Variants in NT5M observed in about 807,000 individuals in gnomAD.
NT5M encodes the protein 5',3'-nucleotidase, mitochondrial, also known as 5'(3')-deoxyribonucleotidase, mitochondrial.
NT5M carries 22 observed loss-of-function variants against 22.2 expected under a neutral mutation model. That is an observed-to-expected ratio of 0.99 (90% CI 0.71 to 1.41). The LOEUF (loss-of-function observed/expected upper bound fraction) is 1.41. Ranked by LOEUF, NT5M falls within the 40% of genes most tolerant of loss-of-function variation. The pLI is 0.00. For synonymous variants in NT5M, 167 were observed against 133.0 expected (o/e 1.26, Z -1.76); for missense variants, 322 against 314.8 (o/e 1.02, Z -0.17).
rs529109745 is a variant in NT5M, at chr17:17,314,961, T to C, written c.369-8224T>C. On this transcript the variant is annotated intron_variant, in intron 2 of 4. Transcript: ENST00000389022. ...GTGTGTACTCTAAGCTGAAATTGCA[T>C]GTCTGTGTCTGTCCCTTCCTCTTTT... Among the ~76,000 whole-genome samples the C allele has an allele frequency of 3.9e-5, 6 of 152,274 alleles. No individual in the cohort carries two copies. In the South Asian group the frequency reaches 1.0e-3, roughly 26 times the overall value.
At chr17:17,343,485 G>A (rs977705072) in intron 3 of NT5M, among the ~76,000 whole-genome samples, 3 of 152,232 alleles carry the variant, frequency 2.0e-5, no homozygotes, top group South Asian at 2.1e-4. Context: ...TGTGCTGGCC[G>A]GTTGCAGAGG....
intron 3 of NT5M, among the ~76,000 whole-genome samples, chr17:17,329,778 C>A (rs2049337899): frequency 6.6e-6 from 1 of 151,126 alleles, no homozygotes; most frequent in Non-Finnish European, 1.5e-5. Context: ...GAGTTTGAGA[C>A]CTGCCTGGGC....
chr17:17,347,135 C>T lies in NT5M; in HGVS notation c.*188C>T, dbSNP rs1201924283. 5.3e-6 allele frequency: 4 copies of T among 752,132 alleles called. No homozygotes were observed. In the South Asian group the frequency reaches 5.7e-5, roughly 11 times the overall value. 46.6% of individuals were successfully genotyped at this position (752,132 alleles called of 1,614,324 possible). Reference sequence around the variant, plus strand: ...CCTGATCACGGGGCAGGGCTGGGCCCTCTGGGCGCTTGGACATAGACACGT... The same window carrying T: ...CCTGATCACGGGGCAGGGCTGGGCCTTCTGGGCGCTTGGACATAGACACGT... On this transcript the variant is annotated 3_prime_UTR_variant, in exon 5 of 5. Coordinates refer to ENST00000389022, the MANE Select transcript of NT5M (RefSeq NM_020201.4).
chr17:17,338,632 C>G (rs2049567955), intron 3 of NT5M, among the ~76,000 whole-genome samples: 1 of 140,788 alleles, frequency 7.1e-6, no homozygotes, highest in South Asian at 2.2e-4. Flanking sequence ...CTTAGGATAG[C>G]TCTGGCTATT....
intron 3 of NT5M, among the ~76,000 whole-genome samples, chr17:17,333,941 C>G (rs953196142): frequency 6.0e-5 from 9 of 151,218 alleles, no homozygotes; most frequent in African/African-American, 2.2e-4. Flanking sequence ...TCATGCCATT[C>G]TCCTGCCTCA....
At chr17:17,344,118 C>A (rs1047390756) in intron 3 of NT5M, among the ~76,000 whole-genome samples, 1 of 152,082 alleles carries the variant, frequency 6.6e-6, no homozygotes, top group Admixed American at 6.5e-5. Context: ...CCCTGCCCCC[C>A]GGGGAGCACC....
rs765714007 is a variant in NT5M at position 17,303,783 on chromosome 17, C to T, written c.233C>T (p.Ser78Leu). 4 of 1,568,014 alleles carry T rather than the reference C, an allele frequency of 2.6e-6. No individual in the cohort carries two copies. Among genetic ancestry groups the T allele is most frequent in the South Asian group, 1.2e-5 (1 of 86,270 alleles). Reference protein sequence around the residue: ...ALEDRRGFWVSEQYGRLRPGL... With the variant: ...ALEDRRGFWVLEQYGRLRPGL... ...GAGGACCGGCGCGGCTTCTGGGTGT[C>T]GGAGCAGTACGGCCGCCTGCGGCCA... is the stretch of plus-strand genomic sequence containing the variant. Residue 78 changes from serine to leucine, a missense_variant, in exon 1 of 5, where the codon TCG becomes TTG. By Grantham distance (145) the Ser-to-Leu change is moderately radical. Coordinates refer to ENST00000389022, the MANE Select transcript of NT5M (RefSeq NM_020201.4).
chr17:17,313,325 T>C (rs2048958835), intron 2 of NT5M, among the ~76,000 whole-genome samples: 1 of 152,176 alleles, frequency 6.6e-6, no homozygotes, highest in Non-Finnish European at 1.5e-5. Context: ...CCTGGAACAT[T>C]TTTTCATAGC....
At chr17:17,328,908 C>T (rs572427964) in intron 3 of NT5M, among the ~76,000 whole-genome samples, 54 of 152,308 alleles carry the variant, frequency 3.5e-4, no homozygotes, top group Admixed American at 9.1e-4. Context: ...TGGTAGTATA[C>T]GTCTCCAAGG....
In NT5M at chr17:17,303,441, G is replaced by A. The variant is rs1263255864; in HGVS notation, c.-110G>A. On this transcript the variant is annotated 5_prime_UTR_variant, in exon 1 of 5. Coordinates refer to ENST00000389022, the MANE Select transcript of NT5M (RefSeq NM_020201.4). ...CCCCGCTCCCCGTCCCGCGCTCCAC[G>A]CGCGCCCCAGCGTTGGGGGCTTCTC... 1 of 995,262 alleles carries A rather than the reference G, an allele frequency of 1.0e-6. No individual in the cohort carries two copies. Among genetic ancestry groups the A allele is most frequent in the Non-Finnish European group, 1.2e-6 (1 of 836,808 alleles). The allele number at this position is 995,262 out of a possible 1,614,324, so 61.7% of individuals were successfully genotyped here.
intron 3 of NT5M, among the ~76,000 whole-genome samples, chr17:17,332,234 C>T (rs778151324): frequency 6.6e-6 from 1 of 152,134 alleles, no homozygotes; most frequent in Non-Finnish European, 1.5e-5. Context: ...GTGTCTAGCT[C>T]ATAGATCTCT....
intron 2 of NT5M, among the ~76,000 whole-genome samples, chr17:17,322,368 C>T (rs2049168767): frequency 6.6e-6 from 1 of 151,894 alleles, no homozygotes; most frequent in Non-Finnish European, 1.5e-5. Context: ...GTGCTCCCTT[C>T]GTGTGAGGCC....
At chr17:17,343,824 T>C (rs2049699312) in intron 3 of NT5M, among the ~76,000 whole-genome samples, 1 of 152,190 alleles carries the variant, frequency 6.6e-6, no homozygotes, top group African/African-American at 2.4e-5. Context: ...TAAGGGTTGG[T>C]TGCCAGTGTC....
At chr17:17,323,333 G>C in intron 3 of NT5M, 88 bp downstream of exon 3, 3 of 1,096,842 alleles carry the variant, frequency 2.7e-6, no homozygotes, top group Non-Finnish European at 4.2e-6. Flanking sequence ...GAAAGGGGAT[G>C]GACCCTCACA....
At chr17:17,330,750 T>TC (rs2049364516) in intron 3 of NT5M, among the ~76,000 whole-genome samples, 1 of 148,754 alleles carries the variant, frequency 6.7e-6, no homozygotes. Flanking sequence ...TTCTTTTTTT[T>TC]TTTTTTTTTT....
chr17:17,328,437 C>G (rs1209125524), intron 3 of NT5M, among the ~76,000 whole-genome samples: 1 of 152,130 alleles, frequency 6.6e-6, no homozygotes, highest in African/African-American at 2.4e-5. Flanking sequence ...CAAGCACCCC[C>G]TCACCCACCG....
chr17:17,304,007 G>C, intron 1 of NT5M, 190 bp downstream of exon 1: 1 of 1,236,790 alleles, frequency 8.1e-7, no homozygotes, highest in African/African-American at 1.6e-5. Context: ...GGATCTGTTG[G>C]CTGCCATCCA....
intron 3 of NT5M, among the ~76,000 whole-genome samples, chr17:17,334,402 A>C (rs536072328): frequency 1.4e-5 from 2 of 147,632 alleles, no homozygotes; most frequent in Non-Finnish European, 1.5e-5. Flanking sequence ...CCTGGGGTCC[A>C]TTTCTGGAAT....
intron 3 of NT5M, among the ~76,000 whole-genome samples, chr17:17,323,974 C>G (rs143791927): frequency 2.6e-5 from 4 of 152,134 alleles, no homozygotes; most frequent in African/African-American, 9.6e-5. Flanking sequence ...TGGGTTCAAG[C>G]AATTCTCCTG....
Sources: allele counts gnomAD v4.1 joint callset (sites outside exome capture counted in the v4.1 genomes callset), GRCh38; gene constraint gnomAD v4.1.1; transcripts MANE v1.5; gene names NCBI Gene and HGNC (gene_info 2026-07-23, HGNC 2026-07-21).